The following GFPT1 variants were observed in gnomAD, a reference collection of about 807,000 sequenced individuals.
GFPT1 encodes glutamine--fructose-6-phosphate aminotransferase [isomerizing] 1.
A neutral mutation model predicts 92.0 loss-of-function variants in GFPT1; 40 were observed. That is an observed-to-expected ratio of 0.43 (90% confidence interval 0.34 to 0.57). The LOEUF (loss-of-function observed/expected upper bound fraction) is 0.57, where lower values mean the gene tolerates loss of function less well. GFPT1 is among the 20% of genes least tolerant of loss of function. The pLI is 0.02. For synonymous variants in GFPT1, 269 were observed against 280.6 expected (o/e 0.96, Z 0.41); for missense variants, 448 against 869.1 (o/e 0.52, Z 6.09).
chr2:69,352,448 A>C (rs1671230709), intron 9 of GFPT1, among the ~76,000 whole-genome samples: 1 of 151,340 alleles, frequency 6.6e-6, no homozygotes, highest in Non-Finnish European at 1.5e-5. Context: ...CCCCGTCTCT[A>C]CTAAAAATAG....
intron 2 of GFPT1, among the ~76,000 whole-genome samples, chr2:69,370,405 T>C (rs1671717580): frequency 2.0e-5 from 3 of 152,108 alleles, no homozygotes; most frequent in Non-Finnish European, 4.4e-5. Context: ...AGGTTACAAT[T>C]GGGATACAAT....
chr2:69,345,554 T>C (rs1671062869), intron 12 of GFPT1, among the ~76,000 whole-genome samples: 1 of 152,182 alleles, frequency 6.6e-6, no homozygotes, highest in African/African-American at 2.4e-5. Context: ...TTCAGTGGCA[T>C]TAAGCACATT....
intron 13 of GFPT1, 96 bp from the exon 14 acceptor site, chr2:69,338,661 T>C (rs780702991): frequency 8.2e-7 from 1 of 1,223,886 alleles, no homozygotes; most frequent in Non-Finnish European, 1.2e-6. Flanking sequence ...CTTTTTCTGA[T>C]TACAAAAATG....
At chr2:69,350,731 C>T (rs1164156230) in intron 9 of GFPT1, among the ~76,000 whole-genome samples, 2 of 151,878 alleles carry the variant, frequency 1.3e-5, no homozygotes, top group Non-Finnish European at 2.9e-5. Flanking sequence ...GGCGAAACCC[C>T]ATCTCTACTG....
intron 5 of GFPT1, 42 bp from the exon 6 acceptor site, chr2:69,358,505 T>C (rs766417179): frequency 7.2e-7 from 1 of 1,387,630 alleles, no homozygotes; most frequent in South Asian, 1.2e-5. Context: ...AAAGAAATAT[T>C]AATGATAAAA....
chr2:69,321,430 T>C lies in GFPT1; in HGVS notation c.*4759A>G, dbSNP rs1175792399. ...GAAATGTTTACAACTAAAGTAGACA[T>C]TGATTACATTCTTAGTACAATACAA... is the stretch of plus-strand genomic sequence containing the variant. On this transcript the variant is annotated 3_prime_UTR_variant, in exon 20 of 20. Transcript: ENST00000357308. 1.3e-5 allele frequency: 2 copies of C among 152,366 alleles called. No individual in the cohort carries two copies. The highest frequency in any genetic ancestry group is 2.1e-4 in the South Asian group (1 of 4,830). 9.4% of individuals were successfully genotyped at this position (152,366 alleles called of 1,614,324 possible).
intron 10 of GFPT1, among the ~76,000 whole-genome samples, chr2:69,349,015 G>C (rs4549136): frequency 0.65 from 99,024 of 151,930 alleles, 33,556 homozygotes; most frequent in African/African-American, 0.85. Flanking sequence ...CCCTCTACCT[G>C]TTAACCTAAT....
At chr2:69,356,124 G>T (rs1671331726) in intron 7 of GFPT1, among the ~76,000 whole-genome samples, 1 of 151,516 alleles carries the variant, frequency 6.6e-6, no homozygotes, top group South Asian at 2.1e-4. Context: ...CTCCCGAGTA[G>T]CTGGGATTAC....
At chr2:69,326,433 G>C (rs902860420) in intron 19 of GFPT1, among the ~76,000 whole-genome samples, 200 bp from the exon 20 acceptor site, 3 of 152,110 alleles carry the variant, frequency 2.0e-5, no homozygotes, top group Non-Finnish European at 4.4e-5. Flanking sequence ...AAATTGGTTA[G>C]GAAAAAGCAT....
intron 1 of GFPT1, among the ~76,000 whole-genome samples, chr2:69,378,410 T>G (rs1461027273): frequency 6.6e-6 from 1 of 152,230 alleles, no homozygotes; most frequent in Non-Finnish European, 1.5e-5. Flanking sequence ...AGTAGCTGTA[T>G]AAGCATAGAT....
intron 15 of GFPT1, among the ~76,000 whole-genome samples, chr2:69,330,653 A>G (rs766527519): frequency 2.6e-5 from 4 of 151,778 alleles, no homozygotes; most frequent in Non-Finnish European, 5.9e-5. Context: ...TGTTATTAGA[A>G]ATAATTACAT....
At chr2:69,329,240 T>C in intron 17 of GFPT1, 57 bp downstream of exon 17, 1 of 1,527,900 alleles carries the variant, frequency 6.5e-7, no homozygotes, top group Non-Finnish European at 9.1e-7. Context: ...AAAGTATGAC[T>C]ATGTGTCAGG....
At chr2:69,370,170 G>T in intron 2 of GFPT1, 62 bp from the exon 3 acceptor site, 1 of 936,350 alleles carries the variant, frequency 1.1e-6, no homozygotes, top group Non-Finnish European at 1.8e-6. Flanking sequence ...AATTATTAAT[G>T]TGAGGCAAAA....
chr2:69,366,612 A>C (rs1671617255), intron 3 of GFPT1, among the ~76,000 whole-genome samples: 1 of 152,162 alleles, frequency 6.6e-6, no homozygotes, highest in Admixed American at 6.5e-5. Context: ...GTTCCCTGAC[A>C]GTTCATCATA....
chr2:69,329,294 T>C lies in GFPT1; in HGVS notation c.1725+3A>G. Reference sequence around the variant, plus strand: ...GATACTAATTAGAACTGAGAAAACTTACCAGTGCCCCTTCAAGACAAGTAG... The same window carrying C: ...GATACTAATTAGAACTGAGAAAACTCACCAGTGCCCCTTCAAGACAAGTAG... On this transcript the variant is annotated splice_donor_region_variant and intron_variant, in intron 17 of 19. Coordinates refer to ENST00000357308, the MANE Select transcript of GFPT1 (RefSeq NM_001244710.2). The C allele has an allele frequency of 1.9e-6, 3 of 1,613,698 alleles. No individual in the cohort carries two copies. Among genetic ancestry groups the C allele is most frequent in the Non-Finnish European group, 2.5e-6 (3 of 1,179,638 alleles).
intron 4 of GFPT1, among the ~76,000 whole-genome samples, chr2:69,360,943 C>T (rs1206057529): frequency 3.3e-5 from 5 of 151,988 alleles, no homozygotes; most frequent in Admixed American, 1.3e-4. Flanking sequence ...CCATATTGGT[C>T]AGGCTGGTCT....
intron 1 of GFPT1, among the ~76,000 whole-genome samples, chr2:69,386,014 T>C (rs1672120010): frequency 7.1e-6 from 1 of 141,648 alleles, no homozygotes; most frequent in East Asian, 2.0e-4. Context: ...TCTCTTACAA[T>C]GGTACTTCCC....
intron 4 of GFPT1, among the ~76,000 whole-genome samples, chr2:69,360,165 T>C (rs1671430846): frequency 6.6e-6 from 1 of 151,888 alleles, no homozygotes; most frequent in Non-Finnish European, 1.5e-5. Flanking sequence ...CTGTCTCTAC[T>C]AAAAATACAA....
chr2:69,381,851 C>A (rs1282774198), intron 1 of GFPT1, among the ~76,000 whole-genome samples: 1 of 141,108 alleles, frequency 7.1e-6, no homozygotes, highest in African/African-American at 2.8e-5. Flanking sequence ...AAAACACTGG[C>A]TACTTATAAC....
Sources: gnomAD v4.1 joint callset for allele counts (sites outside exome capture counted in the v4.1 genomes callset) on GRCh38, gnomAD v4.1.1 for gene constraint, MANE v1.5 for transcripts, NCBI Gene and HGNC (gene_info 2026-07-23, HGNC 2026-07-21) for gene names.